Variants in EPS15L1 observed in about 807,000 individuals in gnomAD.
EPS15L1 encodes epidermal growth factor receptor pathway substrate 15 like 1.
Under a neutral mutation model 117.1 loss-of-function variants are expected in EPS15L1, and 43 were observed. That is an observed-to-expected ratio of 0.37 (90% CI 0.29 to 0.47). The LOEUF (loss-of-function observed/expected upper bound fraction) is 0.47, where lower values mean the gene tolerates loss of function less well. Among genes scored for constraint, EPS15L1 ranks in the 20% least tolerant of loss-of-function variants. EPS15L1 has a pLI of 0.99. For synonymous variants in EPS15L1, 459 were observed against 470.5 expected, an observed-to-expected ratio of 0.98 and a Z score of 0.32; for missense variants, 981 against 1,164.0, an observed-to-expected ratio of 0.84 and a Z score of 2.29.
chr19:16,426,605 C>T (rs375870855), intron 8 of EPS15L1, among the ~76,000 whole-genome samples: 2 of 152,270 alleles, frequency 1.3e-5, no homozygotes, highest in East Asian at 3.9e-4. Flanking sequence ...TGCCACTGCA[C>T]ACCAGCCTAG....
At chr19:16,449,819 A>C (rs2093122394) in intron 1 of EPS15L1, among the ~76,000 whole-genome samples, 1 of 152,244 alleles carries the variant, frequency 6.6e-6, no homozygotes, top group South Asian at 2.1e-4. Flanking sequence ...CTCAGCAATG[A>C]AAAGGAATGA....
At position 16,404,531 on chromosome 19, in the gene EPS15L1, C is replaced by T. The variant is rs1048414574; in HGVS notation, c.1428+57G>A. On this transcript the variant is annotated intron_variant, in intron 14 of 23. Transcript: ENST00000455140. The surrounding 1 kb of genome is among the most constrained non-coding windows in gnomAD (Gnocchi z 4.2). ...CCAGGTAACACGAGCTCAGGGGAGTCCTTGGGAAGCCCCTGCCTGTGCATA... is the reference window on the plus strand; with the variant it reads ...CCAGGTAACACGAGCTCAGGGGAGTTCTTGGGAAGCCCCTGCCTGTGCATA... 2.5e-6 allele frequency: 4 copies of T among 1,596,464 alleles called. No individual in the cohort carries two copies. The Admixed American group carries it at 6.7e-5, about 27-fold the overall frequency.
Position 16,361,783 on chromosome 19 carries a change from G to A in EPS15L1, c.2582C>T (p.Thr861Ile), listed in dbSNP as rs1209820290. The A allele has an allele frequency of 1.2e-6, 2 of 1,613,002 alleles. No homozygotes were observed. The highest frequency in any genetic ancestry group is 1.7e-6 in the Non-Finnish European group (2 of 1,179,622). Residue 861 changes from threonine to isoleucine, a missense_variant, in exon 23 of 24, where the codon ACC becomes ATC. Physicochemically the swap from Thr to Ile is moderately conservative, Grantham distance 89. Coordinates refer to ENST00000455140, the MANE Select transcript of EPS15L1 (RefSeq NM_001258374.3). ...GAGGCGGAGGACTCAACTTACAGAG[G>A]TGAAGTCTGCAAAGCCCGAGGCAGA... ...KASASGFADFTSFGNEEQQLA... is the reference protein window; with the variant it reads ...KASASGFADFISFGNEEQQLA...
At chr19:16,362,085 C>G (rs2092063068) in intron 22 of EPS15L1, 101 bp from the exon 23 acceptor site, 1 of 1,225,506 alleles carries the variant, frequency 8.2e-7, no homozygotes, top group East Asian at 2.5e-5. Context: ...GGGCGCTTCT[C>G]TGAGAAAAGC....
intron 1 of EPS15L1, among the ~76,000 whole-genome samples, chr19:16,451,178 T>C (rs1207140239): frequency 6.6e-6 from 1 of 152,086 alleles, no homozygotes; most frequent in African/African-American, 2.4e-5. Context: ...CTTGAACTCC[T>C]GACCTCAGGT....
At chr19:16,399,468 C>T (rs7245590) in intron 16 of EPS15L1, among the ~76,000 whole-genome samples, 13,903 of 152,110 alleles carry the variant, frequency 0.091, 1,190 homozygotes, top group East Asian at 0.27. Flanking sequence ...GAAATACACA[C>T]GGCAACTCTG....
Position 16,371,222 on chromosome 19 carries a change from G to C in EPS15L1, c.2380+5900C>G, listed in dbSNP as rs999697324. Among the ~76,000 whole-genome samples, 3 of 152,150 alleles carry C rather than the reference G, an allele frequency of 2.0e-5. No homozygotes were observed. The highest frequency in any genetic ancestry group is 7.2e-5 in the African/African-American group (3 of 41,414). ...TTCGATGTTGGCCTGGCATTTCAGA[G>C]AAGTGGGAGAGCTGGCAGCACTTAG... On this transcript the variant is annotated intron_variant, in intron 22 of 23. Coordinates refer to ENST00000455140, the MANE Select transcript of EPS15L1 (RefSeq NM_001258374.3). The surrounding 1 kb of genome is among the most constrained non-coding windows in gnomAD (Gnocchi z 4.7).
intron 7 of EPS15L1, among the ~76,000 whole-genome samples, chr19:16,430,658 G>A (rs1322958613): frequency 1.3e-5 from 2 of 152,196 alleles, no homozygotes; most frequent in Admixed American, 1.3e-4. Context: ...CCACTGCCCA[G>A]CACAAGGCAT....
At chr19:16,439,448 T>C (rs2093008607) in intron 4 of EPS15L1, among the ~76,000 whole-genome samples, 1 of 151,986 alleles carries the variant, frequency 6.6e-6, no homozygotes, top group Admixed American at 6.6e-5. Context: ...TCCCAGCACT[T>C]AGGGAGGCCA....
At chr19:16,438,321 C>G (rs1023587114) in intron 4 of EPS15L1, among the ~76,000 whole-genome samples, 3 of 151,970 alleles carry the variant, frequency 2.0e-5, no homozygotes, top group Non-Finnish European at 4.4e-5. Flanking sequence ...CCACTTCACT[C>G]CAGGCTGGGC....
chr19:16,399,529 T>G (rs959116545), intron 16 of EPS15L1, among the ~76,000 whole-genome samples: 1 of 152,178 alleles, frequency 6.6e-6, no homozygotes, highest in Non-Finnish European at 1.5e-5. Context: ...AGAGGAGTGC[T>G]GGGCAGCAGG....
intron 1 of EPS15L1, among the ~76,000 whole-genome samples, chr19:16,459,487 G>A (rs2093228070): frequency 6.6e-6 from 1 of 152,194 alleles, no homozygotes; most frequent in African/African-American, 2.4e-5. Flanking sequence ...GTTGAGGGAG[G>A]CAGGTGGTGG....
chr19:16,405,463 C>T lies in EPS15L1; in HGVS notation c.1267-714G>A, dbSNP rs1356322581. 6.6e-6 allele frequency among the ~76,000 whole-genome samples: 1 copy of T among 152,176 alleles called. No individual in the cohort carries two copies. Among genetic ancestry groups the T allele is most frequent in the Admixed American group, 6.5e-5 (1 of 15,278 alleles). ...CGTGGGATGGATCCAGATGGTCAGC[C>T]CGAGGCTCCAATGCCCCATGATTCC... On this transcript the variant is annotated intron_variant, in intron 13 of 23. Transcript: ENST00000455140. This position sits in a 1 kb window ranked among gnomAD's most constrained non-coding sequence, Gnocchi z 4.0.
rs2092366762 is a variant in EPS15L1 at position 16,381,876 on chromosome 19, G to A, written c.2247+3253C>T. 6.6e-6 allele frequency among the ~76,000 whole-genome samples: 1 copy of A among 152,230 alleles called. No individual in the cohort carries two copies. The highest frequency in any genetic ancestry group is 6.5e-5 in the Admixed American group (1 of 15,284). The stretch of plus-strand genomic sequence containing the variant: ...ATGGGGAGCCAAGCAGGTCTAGATG[G>A]GAAGTGGTGTGACCGGCTGGGCCTT... On this transcript the variant is annotated intron_variant, in intron 21 of 23. Coordinates refer to ENST00000455140, the MANE Select transcript of EPS15L1 (RefSeq NM_001258374.3). The surrounding 1 kb of genome is among the most constrained non-coding windows in gnomAD (Gnocchi z 4.2).
intron 1 of EPS15L1, among the ~76,000 whole-genome samples, chr19:16,453,013 G>C (rs1018911366): frequency 1.3e-5 from 2 of 151,986 alleles, no homozygotes; most frequent in African/African-American, 4.8e-5. Flanking sequence ...TGTTAGTCAG[G>C]ATGGCCTCGA....
At position 16,383,686 on chromosome 19, in the gene EPS15L1, C is replaced by G. The variant is rs1317561058; in HGVS notation, c.2247+1443G>C. ...CCTCGGTCAGAAGTGGGATCTGCTG[C>G]GCCGCCAGGGCACGCACACACGCGT... On this transcript the variant is annotated intron_variant, in intron 21 of 23. Transcript: ENST00000455140. The surrounding 1 kb of genome is among the most constrained non-coding windows in gnomAD (Gnocchi z 5.2). 1 of 152,416 alleles carries G rather than the reference C, an allele frequency of 6.6e-6. No homozygotes were observed. Among genetic ancestry groups the G allele is most frequent in the Admixed American group, 6.5e-5 (1 of 15,306 alleles). 9.4% of individuals were successfully genotyped at this position (152,416 alleles called of 1,614,324 possible). A position where few individuals can be genotyped will look rare whatever the true frequency, so the allele number is the denominator to read the frequency against.
chr19:16,424,170 C>T (rs962009596), intron 9 of EPS15L1, among the ~76,000 whole-genome samples: 4 of 152,200 alleles, frequency 2.6e-5, no homozygotes, highest in South Asian at 2.1e-4. Context: ...AGGGCAAAAT[C>T]GGGTGGCCCT....
chr19:16,356,091 A>G (rs1411246543), intron 23 of EPS15L1, among the ~76,000 whole-genome samples: 1 of 152,146 alleles, frequency 6.6e-6, no homozygotes, highest in Non-Finnish European at 1.5e-5. Context: ...CTTAACCATG[A>G]CCTCTGGGCC....
chr19:16,437,382 A>T (rs1260515852), intron 5 of EPS15L1, among the ~76,000 whole-genome samples: 1 of 152,224 alleles, frequency 6.6e-6, no homozygotes, highest in East Asian at 1.9e-4. Context: ...GAGAGAGGCC[A>T]GACACAAAAG....
Sources: allele counts gnomAD v4.1 joint callset (sites outside exome capture counted in the v4.1 genomes callset), GRCh38; gene constraint gnomAD v4.1.1; non-coding constraint Gnocchi (gnomAD v3.1); transcripts MANE v1.5; gene names NCBI Gene and HGNC (gene_info 2026-07-23, HGNC 2026-07-21).